The following WDR59 variants were observed in gnomAD, a reference collection of about 807,000 sequenced individuals.
WDR59 encodes the protein GATOR2 complex protein WDR59.
In WDR59, 100 loss-of-function variants were observed where a neutral mutation model predicts 131.2. That is an observed-to-expected ratio of 0.76 (90% confidence interval 0.65 to 0.90). The LOEUF (loss-of-function observed/expected upper bound fraction) is 0.90, where lower values mean the gene tolerates loss of function less well. Among genes scored for constraint, WDR59 ranks in the 40% least tolerant of loss-of-function variants. WDR59 has a pLI of 0.00. For synonymous variants in WDR59, 601 were observed against 466.2 expected, an observed-to-expected ratio of 1.29 and a Z score of -3.72; for missense variants, 1,203 against 1,262.2, an observed-to-expected ratio of 0.95 and a Z score of 0.71.
intron 1 of WDR59, among the ~76,000 whole-genome samples, chr16:74,977,173 A>G (rs2034218577): frequency 6.6e-6 from 1 of 151,986 alleles, no homozygotes; most frequent in Non-Finnish European, 1.5e-5. Context: ...GAGTTCAAGG[A>G]GGCAGTGCAC....
chr16:74,893,978 T>C, intron 18 of WDR59, 166 bp from the exon 19 acceptor site: 1 of 767,180 alleles, frequency 1.3e-6, no homozygotes. Context: ...GGATGAGCTC[T>C]TGTTCCAAAA....
intron 9 of WDR59, among the ~76,000 whole-genome samples, chr16:74,922,467 T>G (rs1448412780): frequency 6.6e-6 from 1 of 152,234 alleles, no homozygotes; most frequent in African/African-American, 2.4e-5. Flanking sequence ...AGAATGAGCA[T>G]GCAGGGCTGA....
At chr16:74,928,227 G>A in intron 8 of WDR59, among the ~76,000 whole-genome samples, 1 of 102,178 alleles carries the variant, frequency 9.8e-6, no homozygotes, top group South Asian at 3.3e-4. Context: ...TTTTTTTTGA[G>A]ACAGAAGACA....
intron 17 of WDR59, among the ~76,000 whole-genome samples, chr16:74,904,646 CT>C (rs35006943): frequency 0.51 from 76,779 of 151,902 alleles, 22,410 homozygotes; most frequent in Admixed American, 0.65. Flanking sequence ...TACAAGCAGG[CT>C]TTTTAGTAGG....
At chr16:74,883,966 C>T (rs994935474) in intron 25 of WDR59, among the ~76,000 whole-genome samples, 4 of 152,216 alleles carry the variant, frequency 2.6e-5, no homozygotes, top group Non-Finnish European at 5.9e-5. Context: ...CCTAAGCCCA[C>T]AGTGTTCTTC....
At chr16:74,889,577 A>T (rs1363574602) in intron 21 of WDR59, 126 bp downstream of exon 21, 2 of 684,182 alleles carry the variant, frequency 2.9e-6, no homozygotes, top group African/African-American at 3.6e-5. Context: ...CTGAAAGGAA[A>T]GATCCTACTC....
intron 1 of WDR59, among the ~76,000 whole-genome samples, chr16:74,977,379 T>C (rs2034228643): frequency 6.6e-6 from 1 of 152,210 alleles, no homozygotes; most frequent in South Asian, 2.1e-4. Context: ...TTTTACACTC[T>C]TCTTAATCTA....
At chr16:74,931,512 T>C (rs2031381940) in intron 8 of WDR59, among the ~76,000 whole-genome samples, 1 of 152,078 alleles carries the variant, frequency 6.6e-6, no homozygotes, top group Admixed American at 6.6e-5. Context: ...ATTTTTTGCA[T>C]TTGTTGCAGA....
chr16:74,912,671 A>G lies in WDR59; in HGVS notation c.1225-309T>C, dbSNP rs372714161. 1.7e-4 allele frequency among the ~76,000 whole-genome samples: 26 copies of G among 152,338 alleles called. 2 individuals carry two copies. The highest frequency in any genetic ancestry group is 1.0e-3 in the South Asian group (5 of 4,822). Reference sequence around the variant, plus strand: ...CAGAAATATAGAGGTGTGGAGTGGGAAATCAGGGGTCTCACAGCCTTCAGA... The same window carrying G: ...CAGAAATATAGAGGTGTGGAGTGGGGAATCAGGGGTCTCACAGCCTTCAGA... On this transcript the variant is annotated intron_variant, in intron 13 of 25. Coordinates refer to ENST00000262144, the MANE Select transcript of WDR59 (RefSeq NM_030581.4).
chr16:74,927,678 TAA>T (rs199980310), intron 8 of WDR59, among the ~76,000 whole-genome samples: 58,357 of 142,062 alleles, frequency 0.41, 12,403 homozygotes, highest in Middle Eastern at 0.52. Flanking sequence ...TGCTGCTCTT[TAA>T]AAAACACACA....
intron 25 of WDR59, among the ~76,000 whole-genome samples, chr16:74,882,217 G>T (rs72796700): frequency 0.082 from 12,428 of 152,168 alleles, 557 homozygotes; most frequent in African/African-American, 0.11. Flanking sequence ...CCATGATTCA[G>T]GTGTTTTCCT....
In WDR59 at chr16:74,937,755, G is replaced by C. The variant is rs559018956; in HGVS notation, c.651+395C>G. Among the ~76,000 whole-genome samples, 4 of 152,282 alleles carry C rather than the reference G, an allele frequency of 2.6e-5. No homozygotes were observed. In the South Asian group the frequency reaches 8.3e-4, roughly 32 times the overall value. On this transcript the variant is annotated intron_variant, in intron 8 of 25. Coordinates refer to ENST00000262144, the MANE Select transcript of WDR59 (RefSeq NM_030581.4). ...GACCTTAAGTGATCTGCCTGCCTCA[G>C]CCTCCCAAAGTGCTGGGATTACAGG...
intron 25 of WDR59, among the ~76,000 whole-genome samples, chr16:74,877,377 G>A (rs1964266007): frequency 6.6e-6 from 1 of 152,128 alleles, no homozygotes; most frequent in Admixed American, 6.5e-5. Flanking sequence ...GTGATTCTGT[G>A]CCTGGATAAG....
chr16:74,915,291 A>C (rs745860714), intron 13 of WDR59, among the ~76,000 whole-genome samples: 20 of 152,168 alleles, frequency 1.3e-4, no homozygotes, highest in Non-Finnish European at 2.4e-4. Flanking sequence ...CAGTAAAATG[A>C]GATGCTGGAG....
chr16:74,917,932 C>T lies in WDR59; in HGVS notation c.963G>A (p.Gln321=). The change falls in exon 11 of 26, where the codon CAG becomes CAA. Residue 321 remains glutamine, a synonymous_variant. Coordinates refer to ENST00000262144, the MANE Select transcript of WDR59 (RefSeq NM_030581.4). ...LRMWRVDSQM[Q]RLCANDILDG... Reference sequence around the variant, plus strand: ...CACAATAGCACTGCATACATACCCTCTGCATCTGGGAATCCACCCGCCACA... The same window carrying T: ...CACAATAGCACTGCATACATACCCTTTGCATCTGGGAATCCACCCGCCACA... 1.2e-6 allele frequency: 2 copies of T among 1,613,328 alleles called. No homozygotes were observed. The highest frequency in any genetic ancestry group is 1.7e-6 in the Non-Finnish European group (2 of 1,179,460).
intron 2 of WDR59, among the ~76,000 whole-genome samples, chr16:74,958,645 T>C (rs1056209388): frequency 2.4e-4 from 20 of 82,992 alleles, no homozygotes; most frequent in African/African-American, 8.6e-4. Flanking sequence ...CCAAAGTACA[T>C]GGAGAGAGAA....
At chr16:74,946,641 G>C (rs1259867493) in intron 6 of WDR59, among the ~76,000 whole-genome samples, 7 of 152,156 alleles carry the variant, frequency 4.6e-5, no homozygotes, top group Non-Finnish European at 1.0e-4. Context: ...AGAAACGCTT[G>C]AACAACAGGA....
intron 18 of WDR59, among the ~76,000 whole-genome samples, chr16:74,902,276 G>A (rs1965589666): frequency 6.6e-6 from 1 of 152,040 alleles, no homozygotes; most frequent in Admixed American, 6.6e-5. Flanking sequence ...CTATTACGGG[G>A]CTCGAACCAC....
intron 25 of WDR59, among the ~76,000 whole-genome samples, chr16:74,884,216 C>G (rs1044133382): frequency 4.6e-5 from 7 of 152,242 alleles, no homozygotes; most frequent in Non-Finnish European, 8.8e-5. Flanking sequence ...GAACGGGCTT[C>G]CTATTTCTGA....
Sources: gnomAD v4.1 joint callset for allele counts (sites outside exome capture counted in the v4.1 genomes callset) on GRCh38, gnomAD v4.1.1 for gene constraint, MANE v1.5 for transcripts, NCBI Gene and HGNC (gene_info 2026-07-23, HGNC 2026-07-21) for gene names.